Variants in TPM4 observed in about 807,000 individuals in gnomAD.
The protein encoded by TPM4 is tropomyosin 4.
TPM4 carries 17 observed loss-of-function variants against 35.8 expected under a neutral mutation model. The observed-to-expected ratio is 0.47, with a 90% CI of 0.32 to 0.71. The LOEUF (loss-of-function observed/expected upper bound fraction) is 0.71, where lower values mean the gene tolerates loss of function less well. TPM4 is among the 30% of genes least tolerant of loss of function. The probability of loss-of-function intolerance (pLI) is 0.03; values close to 1 mark genes in which losing one functional copy is unlikely to be tolerated. For missense variants in TPM4, 240 were observed against 320.9 expected (o/e 0.75, Z 1.93); for synonymous variants, 120 against 122.9 (o/e 0.98, Z 0.15).
intron 5 of TPM4, 111 bp downstream of exon 5, chr19:16,089,231 T>A: frequency 1.4e-6 from 2 of 1,405,158 alleles, no homozygotes; most frequent in Non-Finnish European, 2.0e-6. Context: ...TATTTAACAG[T>A]AGCGTTGGTG....
At chr19:16,096,030 A>T (rs897824654) in intron 7 of TPM4, 1 of 151,890 alleles carries the variant, frequency 6.6e-6, no homozygotes, top group Admixed American at 6.6e-5. Flanking sequence ...GGTTCAAGCA[A>T]TTCTCCTGCC....
At chr19:16,089,000 G>T (rs765165103) in intron 4 of TPM4, 45 bp from the exon 5 acceptor site, 6 of 1,612,544 alleles carry the variant, frequency 3.7e-6, no homozygotes, top group Non-Finnish European at 5.1e-6. Flanking sequence ...ATTATTGCCG[G>T]CTGTAAGGGA....
chr19:16,099,431 A>C (rs1395304469), intron 7 of TPM4, among the ~76,000 whole-genome samples: 1 of 151,966 alleles, frequency 6.6e-6, no homozygotes, highest in Non-Finnish European at 1.5e-5. Context: ...TAAAAATACA[A>C]GAATTGGCTG....
intron 1 of TPM4, chr19:16,078,162 C>A (rs890532743): frequency 1.0e-5 from 4 of 398,578 alleles, no homozygotes; most frequent in Non-Finnish European, 1.8e-5. Flanking sequence ...CTGCATTCCA[C>A]GGGTTTTCTG....
upstream of TPM4, chr19:16,074,308 C>T (rs2090384267): frequency 6.6e-6 from 1 of 152,198 alleles, no homozygotes; most frequent in Admixed American, 6.6e-5. Context: ...CAGTAATAGA[C>T]ATTTATTGTT....
intron 7 of TPM4, chr19:16,101,063 C>G (rs574884528): frequency 2.5e-6 from 1 of 404,016 alleles, no homozygotes; most frequent in South Asian, 3.1e-5. Context: ...CCCAGCTACT[C>G]GGGAGGCTGA....
At chr19:16,097,554 G>A (rs1013667339) in intron 7 of TPM4, among the ~76,000 whole-genome samples, 2 of 152,160 alleles carry the variant, frequency 1.3e-5, no homozygotes, top group Admixed American at 6.5e-5. Context: ...GATTACAGGT[G>A]TGAGCCACTG....
chr19:16,085,814 A>G (rs1395367901), intron 2 of TPM4, among the ~76,000 whole-genome samples: 3 of 152,098 alleles, frequency 2.0e-5, no homozygotes, highest in African/African-American at 7.2e-5. Context: ...CACACCTGTA[A>G]TCCCAGCACT....
intron 4 of TPM4, 192 bp downstream of exon 4, chr19:16,088,289 G>A: frequency 3.5e-6 from 5 of 1,409,560 alleles, no homozygotes; most frequent in Admixed American, 2.4e-5. Context: ...GCCATGGGAA[G>A]CACTGCCCAC....
chr19:16,089,872 T>C (rs111683104), intron 5 of TPM4, among the ~76,000 whole-genome samples: 415 of 152,114 alleles, frequency 2.7e-3, no homozygotes, highest in African/African-American at 3.5e-3. Context: ...CTTTTCTTTT[T>C]TTTTGAGACA....
rs558837808 is a variant in TPM4, at chr19:16,099,132, G to T, written c.665-2132G>T. Among the ~76,000 whole-genome samples the T allele has an allele frequency of 9.6e-4, 145 of 151,706 alleles. 2 individuals are homozygous for T. Among genetic ancestry groups the T allele is most frequent in the African/African-American group, 3.4e-3 (139 of 41,346 alleles). ...TCCCACTCTGTCACCCAGGCTGGAG[G>T]GCAGTGACGCAATCTCGGCTCACTG... On this transcript the variant is annotated intron_variant, in intron 7 of 7. Coordinates refer to ENST00000643579, the MANE Select transcript of TPM4 (RefSeq NM_003290.3).
intron 1 of TPM4, chr19:16,078,014 C>A: frequency 5.1e-6 from 2 of 393,330 alleles, no homozygotes; most frequent in Non-Finnish European, 9.0e-6. Flanking sequence ...ACCTCGTGAT[C>A]TGCCCACCTT....
At chr19:16,071,750 C>G (rs1018446251), upstream of TPM4, among the ~76,000 whole-genome samples, 4 of 152,216 alleles carry the variant, frequency 2.6e-5, no homozygotes, top group African/African-American at 9.6e-5. Flanking sequence ...CAGCCAAGCA[C>G]TGATTTCTGG....
chr19:16,090,854 A>T (rs1389366844), intron 5 of TPM4, among the ~76,000 whole-genome samples: 91 of 121,150 alleles, frequency 7.5e-4, no homozygotes, highest in African/African-American at 2.8e-3. Flanking sequence ...TTTAGTAGAG[A>T]TGGTGTTTCA....
chr19:16,076,155 GAGA>G (rs776358628), upstream of TPM4: 34 of 1,563,464 alleles, frequency 2.2e-5, no homozygotes, highest in South Asian at 2.5e-4. Context: ...GGAGCTCACG[GAGA>G]AGAAGGCCTC....
At chr19:16,074,060 C>T (rs1413086345), upstream of TPM4, among the ~76,000 whole-genome samples, 1 of 149,970 alleles carries the variant, frequency 6.7e-6, no homozygotes, top group Non-Finnish European at 1.5e-5. Context: ...ATATGGGGCA[C>T]CTGGTACATT....
chr19:16,068,077 G>C, intron 2 of TPM4: 1 of 389,804 alleles, frequency 2.6e-6, no homozygotes, highest in Non-Finnish European at 4.7e-6. Flanking sequence ...GACATGCTGT[G>C]TGTGTGTATT....
chr19:16,080,268 C>T (rs1448232471), intron 1 of TPM4: 1 of 206,774 alleles, frequency 4.8e-6, no homozygotes, highest in Non-Finnish European at 9.9e-6. Context: ...CTGAATAAAA[C>T]CACTTCCCCC....
chr19:16,085,871 C>T (rs894116718), intron 2 of TPM4, among the ~76,000 whole-genome samples: 1 of 151,898 alleles, frequency 6.6e-6, no homozygotes, highest in Admixed American at 6.6e-5. Flanking sequence ...GAGTTCCAGA[C>T]CAGCCTGGCC....
Sources: gnomAD v4.1 joint callset for allele counts (sites outside exome capture counted in the v4.1 genomes callset) on GRCh38, gnomAD v4.1.1 for gene constraint, MANE v1.5 for transcripts, NCBI Gene and HGNC (gene_info 2026-07-23, HGNC 2026-07-21) for gene names.